NAV3: variants seen among roughly 807,000 people sequenced by gnomAD.
NAV3 encodes the protein pore membrane and/or filament interacting like protein 1.
A neutral mutation model predicts 244.7 loss-of-function variants in NAV3; 87 were observed. The ratio of observed to expected loss-of-function variants is 0.36; its 90% CI spans 0.30 to 0.42. NAV3 has a LOEUF of 0.42. NAV3 is among the 20% of genes least tolerant of loss of function. The probability of loss-of-function intolerance (pLI) is 1.00; values close to 1 mark genes in which losing one functional copy is unlikely to be tolerated. For synonymous variants in NAV3, 1,126 were observed against 1,042.2 expected (o/e 1.08, Z -1.55); for missense variants, 2,663 against 2,893.3 (o/e 0.92, Z 1.83).
intron 9 of NAV3, among the ~76,000 whole-genome samples, chr12:78,043,497 G>A (rs1186647226): frequency 6.6e-6 from 1 of 152,102 alleles, no homozygotes; most frequent in Non-Finnish European, 1.5e-5. Flanking sequence ...GATCCTTGAG[G>A]AATTGCCACA....
intron 10 of NAV3, 124 bp from the exon 11 acceptor site, chr12:78,050,640 C>T: frequency 3.0e-6 from 3 of 998,696 alleles, no homozygotes; most frequent in Non-Finnish European, 4.4e-6. Flanking sequence ...TAGAGTTTAG[C>T]TTTCGGGAAG....
intron 3 of NAV3, among the ~76,000 whole-genome samples, chr12:77,960,255 T>C (rs979651840): frequency 1.3e-4 from 20 of 151,916 alleles, no homozygotes; most frequent in Non-Finnish European, 1.3e-4. Context: ...CCAATTAGGG[T>C]TTAATTATTT....
At chr12:78,082,644 A>G (rs1593508972) in intron 12 of NAV3, among the ~76,000 whole-genome samples, 1 of 152,184 alleles carries the variant, frequency 6.6e-6, no homozygotes, top group South Asian at 2.1e-4. Context: ...TTTGACATAT[A>G]TCACCTTTTT....
intron 12 of NAV3, among the ~76,000 whole-genome samples, chr12:78,098,891 C>T (rs186245291): frequency 6.7e-6 from 1 of 150,052 alleles, no homozygotes; most frequent in Non-Finnish European, 1.5e-5. Context: ...TAATTAGTAA[C>T]TATTTTTACA....
chr12:78,127,951 A>G (rs1286424745), intron 17 of NAV3, among the ~76,000 whole-genome samples: 2 of 152,202 alleles, frequency 1.3e-5, no homozygotes, highest in Non-Finnish European at 2.9e-5. Context: ...AGGAAGAGAT[A>G]GAATGATCTA....
At chr12:78,070,099 A>G (rs61936204) in intron 12 of NAV3, among the ~76,000 whole-genome samples, 14,485 of 152,076 alleles carry the variant, frequency 0.095, 890 homozygotes, top group South Asian at 0.2. Flanking sequence ...CTAAGAGTAT[A>G]TTTTACTCTA....
At chr12:77,737,304 A>G (rs1374913812) in intron 2 of NAV3, among the ~76,000 whole-genome samples, 1 of 150,636 alleles carries the variant, frequency 6.6e-6, no homozygotes, top group African/African-American at 2.5e-5. Context: ...CAAAAAATGC[A>G]TAGAACAGTG....
At chr12:77,943,888 A>G (rs1890095199) in intron 3 of NAV3, among the ~76,000 whole-genome samples, 1 of 152,186 alleles carries the variant, frequency 6.6e-6, no homozygotes, top group Non-Finnish European at 1.5e-5. Flanking sequence ...CCTTTATTGA[A>G]TCATTTTAAG....
intron 1 of NAV3, among the ~76,000 whole-genome samples, chr12:77,898,497 A>G (rs896311597): frequency 2.0e-5 from 3 of 152,230 alleles, no homozygotes; most frequent in African/African-American, 7.2e-5. Flanking sequence ...AATAATTGAA[A>G]GAATTAAAAA....
chr12:77,910,493 G>A (rs577572750), intron 1 of NAV3, among the ~76,000 whole-genome samples: 24 of 152,194 alleles, frequency 1.6e-4, no homozygotes, highest in Non-Finnish European at 2.5e-4. Context: ...TTCAACATGA[G>A]ATTTGGAGGG....
At chr12:77,616,384 G>A (rs1239313716) in intron 2 of NAV3, among the ~76,000 whole-genome samples, 1 of 152,132 alleles carries the variant, frequency 6.6e-6, no homozygotes, top group Non-Finnish European at 1.5e-5. Flanking sequence ...TCCAGCCTGG[G>A]CAATAAAATA....
intron 12 of NAV3, among the ~76,000 whole-genome samples, chr12:78,105,437 C>T (rs1954753088): frequency 6.6e-6 from 1 of 152,024 alleles, no homozygotes; most frequent in African/African-American, 2.4e-5. Context: ...AGAATGGTAT[C>T]TAGTCACCAG....
At chr12:78,070,027 A>G (rs300416) in intron 12 of NAV3, among the ~76,000 whole-genome samples, 27,395 of 152,036 alleles carry the variant, frequency 0.18, 2,507 homozygotes, top group South Asian at 0.24. Context: ...TCTTTATGAA[A>G]CTTAATTAAA....
At chr12:78,185,770 G>A (rs1470904692) in intron 31 of NAV3, 72 bp downstream of exon 31, 1 of 1,293,622 alleles carries the variant, frequency 7.7e-7, no homozygotes, top group East Asian at 2.4e-5. Context: ...TTTTATGTGT[G>A]AATATTTGAT....
At chr12:78,058,558 C>T (rs1252800144) in intron 11 of NAV3, among the ~76,000 whole-genome samples, 1 of 152,130 alleles carries the variant, frequency 6.6e-6, no homozygotes, top group African/African-American at 2.4e-5. Flanking sequence ...AATATAAAAA[C>T]ATAGAATTCT....
chr12:78,095,137 G>A lies in NAV3; in HGVS notation c.2637-21635G>A, dbSNP rs543212024. On this transcript the variant is annotated intron_variant, in intron 12 of 39. Coordinates refer to ENST00000397909, the MANE Select transcript of NAV3 (RefSeq NM_001024383.2). ...TACACATACATATGTATATACATAC[G>A]TATGTATATGTGACTTGATAGCATA... is the stretch of plus-strand genomic sequence containing the variant. 9.4e-4 allele frequency among the ~76,000 whole-genome samples: 138 copies of A among 147,188 alleles called. 1 individual carries two copies. The South Asian group carries it at 0.017, about 18-fold the overall frequency.
intron 19 of NAV3, among the ~76,000 whole-genome samples, chr12:78,138,439 T>C (rs1216971799): frequency 2.6e-5 from 4 of 152,134 alleles, no homozygotes; most frequent in African/African-American, 9.6e-5. Flanking sequence ...AATTGACTCA[T>C]GTTTTTCAGG....
At chr12:77,687,650 C>A (rs142362351) in intron 2 of NAV3, among the ~76,000 whole-genome samples, 1 of 151,998 alleles carries the variant, frequency 6.6e-6, no homozygotes, top group Admixed American at 6.6e-5. Flanking sequence ...CATATGGAAG[C>A]GTTCTAGCCT....
At chr12:77,616,858 T>C (rs1395072409) in intron 2 of NAV3, among the ~76,000 whole-genome samples, 3 of 152,146 alleles carry the variant, frequency 2.0e-5, no homozygotes, top group Non-Finnish European at 4.4e-5. Flanking sequence ...CTCAACAACT[T>C]TTCTACATTT....
Sources: gnomAD v4.1 joint callset for allele counts (sites outside exome capture counted in the v4.1 genomes callset) on GRCh38, gnomAD v4.1.1 for gene constraint, MANE v1.5 for transcripts, NCBI Gene and HGNC (gene_info 2026-07-23, HGNC 2026-07-21) for gene names.